ANO2: variants seen among roughly 807,000 people sequenced by gnomAD.
ANO2 encodes the protein anoctamin-2.
In ANO2, 101 loss-of-function variants were observed where a neutral mutation model predicts 124.2. That is an observed-to-expected ratio of 0.81 (90% confidence interval 0.69 to 0.96). The LOEUF (loss-of-function observed/expected upper bound fraction) is 0.96, where lower values mean the gene tolerates loss of function less well. Ranked by LOEUF, ANO2 falls within the 40% of genes least tolerant of loss-of-function variation. ANO2 has a pLI of 0.00. For synonymous variants in ANO2, 486 were observed against 482.5 expected (o/e 1.01, Z -0.09); for missense variants, 1,293 against 1,274.5 (o/e 1.01, Z -0.22).
chr12:5,653,278 G>A (rs932049155), intron 14 of ANO2, among the ~76,000 whole-genome samples: 1 of 152,198 alleles, frequency 6.6e-6, no homozygotes, highest in African/African-American at 2.4e-5. Flanking sequence ...AGAGGGCCAG[G>A]AATAGGTCAG....
intron 9 of ANO2, among the ~76,000 whole-genome samples, chr12:5,800,341 T>C (rs749957929): frequency 2.6e-5 from 4 of 152,226 alleles, no homozygotes; most frequent in Non-Finnish European, 4.4e-5. Flanking sequence ...CTAAAATCTT[T>C]GTATCAACAC....
chr12:5,660,044 C>T (rs1029000660), intron 14 of ANO2, among the ~76,000 whole-genome samples: 1 of 152,216 alleles, frequency 6.6e-6, no homozygotes, highest in African/African-American at 2.4e-5. Context: ...CTAAAGCTAT[C>T]AGCAACCTCC....
intron 10 of ANO2, among the ~76,000 whole-genome samples, chr12:5,751,818 A>C (rs1951449597): frequency 1.3e-5 from 2 of 152,134 alleles, no homozygotes; most frequent in Admixed American, 6.5e-5. Flanking sequence ...TATACAGTAG[A>C]TCTCCGGGCA....
intron 14 of ANO2, among the ~76,000 whole-genome samples, chr12:5,683,719 T>A (rs1263527970): frequency 6.6e-6 from 1 of 151,684 alleles, no homozygotes; most frequent in East Asian, 1.9e-4. Flanking sequence ...GACTACAGAG[T>A]CACCAAAAAG....
chr12:5,771,725 A>AG (rs752924908), intron 10 of ANO2, among the ~76,000 whole-genome samples: 13 of 152,206 alleles, frequency 8.5e-5, no homozygotes, highest in Non-Finnish European at 1.3e-4. Context: ...GGTTGCAGTG[A>AG]GCTGAGATTG....
chr12:5,847,390 G>C (rs1175273086), intron 4 of ANO2, among the ~76,000 whole-genome samples: 2 of 151,954 alleles, frequency 1.3e-5, no homozygotes, highest in Non-Finnish European at 2.9e-5. Context: ...ATGAACTGCA[G>C]ATCTTGAGAC....
chr12:5,933,064 C>CGGA (rs913755790), intron 1 of ANO2, among the ~76,000 whole-genome samples: 1 of 152,168 alleles, frequency 6.6e-6, no homozygotes, highest in African/African-American at 2.4e-5. Flanking sequence ...TTTCTGCCTG[C>CGGA]GGAGTCCCCA....
At chr12:5,588,086 A>G (rs1476428885) in intron 20 of ANO2, among the ~76,000 whole-genome samples, 1 of 149,576 alleles carries the variant, frequency 6.7e-6, no homozygotes, top group Non-Finnish European at 1.5e-5. Flanking sequence ...GGGGATCACC[A>G]TGTCAAGCAC....
At chr12:5,872,462 G>A (rs953005208) in intron 3 of ANO2, among the ~76,000 whole-genome samples, 9 of 152,160 alleles carry the variant, frequency 5.9e-5, no homozygotes, top group Admixed American at 1.3e-4. Flanking sequence ...TACTGTGACA[G>A]GGGCTTCGAA....
intron 20 of ANO2, among the ~76,000 whole-genome samples, chr12:5,585,591 T>C (rs1167460093): frequency 6.6e-6 from 1 of 152,194 alleles, no homozygotes; most frequent in African/African-American, 2.4e-5. Flanking sequence ...CTGGTGAACT[T>C]CCAGTAAATA....
intron 12 of ANO2, chr12:5,739,912 C>T (rs1951029431): frequency 2.2e-6 from 1 of 456,228 alleles, no homozygotes. Context: ...TTCTACCTGA[C>T]TCCAGACTTT....
intron 3 of ANO2, among the ~76,000 whole-genome samples, chr12:5,867,694 G>A (rs1381304010): frequency 6.8e-6 from 1 of 147,646 alleles, no homozygotes; most frequent in Non-Finnish European, 1.5e-5. Flanking sequence ...ATGAATAAAG[G>A]CTATCGAATT....
intron 1 of ANO2, among the ~76,000 whole-genome samples, chr12:5,939,668 C>G (rs1391682243): frequency 6.6e-6 from 1 of 152,322 alleles, no homozygotes; most frequent in East Asian, 1.9e-4. Context: ...ATATGAGTCA[C>G]AGTAATGCCA....
intron 10 of ANO2, among the ~76,000 whole-genome samples, chr12:5,759,428 C>A (rs1951675739): frequency 6.6e-6 from 1 of 151,870 alleles, no homozygotes; most frequent in African/African-American, 2.4e-5. Flanking sequence ...GAGCAGGGGT[C>A]CCCAACCCCC....
At chr12:5,607,946 T>A (rs965588582) in intron 19 of ANO2, among the ~76,000 whole-genome samples, 7 of 152,100 alleles carry the variant, frequency 4.6e-5, no homozygotes, top group African/African-American at 7.2e-5. Context: ...GTACAATAAA[T>A]GTAATGCAGT....
At chr12:5,805,074 G>A (rs894758450) in intron 9 of ANO2, among the ~76,000 whole-genome samples, 2 of 152,016 alleles carry the variant, frequency 1.3e-5, no homozygotes, top group Non-Finnish European at 2.9e-5. Context: ...AAACAGATGA[G>A]GTTAAGACAT....
intron 3 of ANO2, among the ~76,000 whole-genome samples, chr12:5,858,126 T>G (rs1364538524): frequency 2.0e-5 from 3 of 152,174 alleles, no homozygotes; most frequent in Non-Finnish European, 4.4e-5. Context: ...GCAGGGTGAA[T>G]AGGATTAATA....
intron 10 of ANO2, among the ~76,000 whole-genome samples, chr12:5,781,717 GTA>G (rs34008558): frequency 0.29 from 44,723 of 152,036 alleles, 7,294 homozygotes; most frequent in African/African-American, 0.44. Flanking sequence ...GATGAAAGAG[GTA>G]TACGGTCTGC....
intron 4 of ANO2, among the ~76,000 whole-genome samples, chr12:5,845,834 G>A (rs1212317277): frequency 1.3e-5 from 2 of 152,096 alleles, no homozygotes; most frequent in African/African-American, 2.4e-5. Flanking sequence ...TGAAGCTAAC[G>A]GTCATATCTA....
Sources: gnomAD v4.1 joint callset for allele counts (sites outside exome capture counted in the v4.1 genomes callset) on GRCh38, gnomAD v4.1.1 for gene constraint, MANE v1.5 for transcripts, NCBI Gene and HGNC (gene_info 2026-07-23, HGNC 2026-07-21) for gene names.